The following AGMO variants were observed in gnomAD, a reference collection of about 807,000 sequenced individuals.
AGMO encodes the protein glyceryl-ether monooxygenase.
Under a neutral mutation model 60.2 loss-of-function variants are expected in AGMO, and 75 were observed. The ratio of observed to expected loss-of-function variants is 1.25; its 90% CI spans 1.03 to 1.51. The LOEUF is 1.51. AGMO is among the 40% of genes most tolerant of loss of function. The pLI, the probability that AGMO is intolerant of heterozygous loss-of-function variation, is 0.00. For synonymous variants in AGMO, 261 were observed against 177.1 expected (o/e 1.47, Z -3.76); for missense variants, 763 against 525.5 (o/e 1.45, Z -4.42).
intron 12 of AGMO, among the ~76,000 whole-genome samples, chr7:15,207,534 T>A (rs189797815): frequency 6.6e-6 from 1 of 152,230 alleles, no homozygotes; most frequent in Non-Finnish European, 1.5e-5. Context: ...AATATTTTGA[T>A]ACACATACTC....
At chr7:15,258,312 G>T (rs1046553233) in intron 12 of AGMO, among the ~76,000 whole-genome samples, 12 of 151,494 alleles carry the variant, frequency 7.9e-5, no homozygotes, top group African/African-American at 2.7e-4. Context: ...TCTTTTTTTG[G>T]GGGGGGTGGT....
chr7:15,472,154 G>C (rs1782464549), intron 3 of AGMO, among the ~76,000 whole-genome samples: 1 of 151,816 alleles, frequency 6.6e-6, no homozygotes, highest in African/African-American at 2.4e-5. Flanking sequence ...TAAATCAAAT[G>C]TATAAACTTC....
chr7:15,283,880 C>A (rs557813308), intron 12 of AGMO, among the ~76,000 whole-genome samples: 25 of 151,916 alleles, frequency 1.6e-4, no homozygotes, highest in Middle Eastern at 3.2e-3. Flanking sequence ...ATATCAAGTA[C>A]CTTCTCAGAC....
intron 12 of AGMO, among the ~76,000 whole-genome samples, chr7:15,303,353 T>C (rs1339744797): frequency 6.6e-6 from 1 of 152,008 alleles, no homozygotes; most frequent in Admixed American, 6.6e-5. Context: ...AAAATAAAGA[T>C]CTTTTTTAAC....
intron 12 of AGMO, among the ~76,000 whole-genome samples, chr7:15,330,870 G>T (rs1781478780): frequency 6.6e-6 from 1 of 151,824 alleles, no homozygotes; most frequent in Non-Finnish European, 1.5e-5. Flanking sequence ...TGGTCTTAAT[G>T]ATCTATATTT....
the AGMO span, among the ~76,000 whole-genome samples, chr7:15,181,566 G>A: frequency 6.6e-6 from 1 of 151,788 alleles, no homozygotes; most frequent in Non-Finnish European, 1.5e-5. Context: ...TTATTCCATT[G>A]CTCTTAATGC....
chr7:15,133,303 T>C, the AGMO span, among the ~76,000 whole-genome samples: 1 of 152,190 alleles, frequency 6.6e-6, no homozygotes, highest in Non-Finnish European at 1.5e-5. Context: ...TCTGTAGCAA[T>C]ATCCAGCTAC....
At chr7:15,326,629 C>T (rs1259734923) in intron 12 of AGMO, among the ~76,000 whole-genome samples, 1 of 152,104 alleles carries the variant, frequency 6.6e-6, no homozygotes, top group Admixed American at 6.5e-5. Flanking sequence ...ATTTCTCTTA[C>T]GTGTGCTTAC....
At chr7:15,530,980 G>GTATATTCTACA (rs1562556376) in intron 3 of AGMO, among the ~76,000 whole-genome samples, 8 of 85,230 alleles carry the variant, frequency 9.4e-5, no homozygotes, top group African/African-American at 3.8e-4. Context: ...TATTCTATAT[G>GTATATTCTACA]TATATTCTAT....
chr7:15,145,786 A>G, the AGMO span, among the ~76,000 whole-genome samples: 4 of 152,172 alleles, frequency 2.6e-5, no homozygotes, highest in Non-Finnish European at 5.9e-5. Flanking sequence ...AATCATCATT[A>G]CACAATTACG....
intron 11 of AGMO, 92 bp downstream of exon 11, chr7:15,366,048 A>G: frequency 2.3e-6 from 2 of 865,480 alleles, no homozygotes; most frequent in Non-Finnish European, 3.5e-6. Flanking sequence ...TTAAAACTAC[A>G]CTAGTTACAT....
At chr7:15,441,904 G>A (rs2128502379) in intron 3 of AGMO, among the ~76,000 whole-genome samples, 1 of 152,268 alleles carries the variant, frequency 6.6e-6, no homozygotes, top group African/African-American at 2.4e-5. Context: ...CTCCTGAGTG[G>A]ATGTATATTA....
At chr7:15,539,808 T>C (rs1172903296) in intron 3 of AGMO, among the ~76,000 whole-genome samples, 1 of 152,210 alleles carries the variant, frequency 6.6e-6, no homozygotes, top group Non-Finnish European at 1.5e-5. Flanking sequence ...TGCTATTTTT[T>C]GACTTTTTAA....
At chr7:15,494,837 C>T (rs1042520993) in intron 3 of AGMO, among the ~76,000 whole-genome samples, 11 of 152,226 alleles carry the variant, frequency 7.2e-5, no homozygotes, top group Admixed American at 7.2e-4. Flanking sequence ...GCAGGCAAAG[C>T]CGCTTCTCTC....
At chr7:15,433,238 C>A (rs1781305324) in intron 3 of AGMO, among the ~76,000 whole-genome samples, 1 of 152,074 alleles carries the variant, frequency 6.6e-6, no homozygotes, top group African/African-American at 2.4e-5. Context: ...CTTATACCCT[C>A]TACAGAAGCT....
the AGMO span, among the ~76,000 whole-genome samples, chr7:15,193,810 TACTC>T: frequency 2.1e-4 from 32 of 152,166 alleles, no homozygotes; most frequent in Non-Finnish European, 3.5e-4. Context: ...TTCAAAGTCT[TACTC>T]ACTTCTAAAA....
intron 10 of AGMO, among the ~76,000 whole-genome samples, chr7:15,372,535 T>C (rs535845582): frequency 7.9e-5 from 12 of 152,194 alleles, no homozygotes; most frequent in Admixed American, 3.3e-4. Flanking sequence ...ATGGTAAATA[T>C]GAGTTTGAGT....
At chr7:15,544,704 C>T in intron 3 of AGMO, 68 bp downstream of exon 3, 5 of 1,191,350 alleles carry the variant, frequency 4.2e-6, no homozygotes, top group Non-Finnish European at 5.5e-6. Flanking sequence ...TAAATGTTTA[C>T]TGAATATGTA....
intron 12 of AGMO, among the ~76,000 whole-genome samples, chr7:15,354,409 CACGTGT>C (rs1430332467): frequency 4.2e-4 from 12 of 28,904 alleles, no homozygotes; most frequent in African/African-American, 3.1e-3. Context: ...TGTGTGTACA[CACGTGT>C]GTGTATACAC....
Sources: gnomAD v4.1 joint callset for allele counts (sites outside exome capture counted in the v4.1 genomes callset) on GRCh38, gnomAD v4.1.1 for gene constraint, MANE v1.5 for transcripts, NCBI Gene and HGNC (gene_info 2026-07-23, HGNC 2026-07-21) for gene names.